Variants in TENM3 observed in about 807,000 individuals in gnomAD.
TENM3 encodes teneurin transmembrane protein 3.
TENM3 carries 63 observed loss-of-function variants against 255.1 expected under a neutral mutation model. That is an observed-to-expected ratio of 0.25 (90% CI 0.20 to 0.30). TENM3 has a LOEUF of 0.30. Among genes scored for constraint, TENM3 ranks in the 10% least tolerant of loss-of-function variants. The pLI, the probability that TENM3 is intolerant of heterozygous loss-of-function variation, is 1.00. For missense variants in TENM3, 2,929 were observed against 3,461.1 expected, an observed-to-expected ratio of 0.85 and a Z score of 3.86; for synonymous variants, 1,306 against 1,322.3, an observed-to-expected ratio of 0.99 and a Z score of 0.27.
At chr4:182,444,764 T>C (rs1476571817) in intron 3 of TENM3, among the ~76,000 whole-genome samples, 1 of 152,194 alleles carries the variant, frequency 6.6e-6, no homozygotes, top group Non-Finnish European at 1.5e-5. Flanking sequence ...ATAAATTTTA[T>C]TTAAACGGTG....
At chr4:182,731,865 T>C (rs1423483424) in intron 16 of TENM3, among the ~76,000 whole-genome samples, 1 of 151,506 alleles carries the variant, frequency 6.6e-6, no homozygotes, top group Non-Finnish European at 1.5e-5. Context: ...CACTGCAAGC[T>C]CCACCTCCCG....
In TENM3 at chr4:182,578,463, G is replaced by A. The variant is rs530918072; in HGVS notation, c.512-22461G>A. ...GAGGTTTTTATGTTTGTTTTTAGCT[G>A]TGATAGGTGCTTGATAGGTGCTGTG... On this transcript the variant is annotated intron_variant, in intron 3 of 27. Transcript: ENST00000511685. Among the ~76,000 whole-genome samples the A allele has an allele frequency of 4.3e-3, 413 of 96,002 alleles. 1 individual carries two copies. Among genetic ancestry groups the A allele is most frequent in the African/African-American group, 0.014 (380 of 27,028 alleles). 63.0% of individuals were successfully genotyped at this position (96,002 alleles called of 152,430 possible).
intron 3 of TENM3, among the ~76,000 whole-genome samples, chr4:182,450,268 A>C (rs1773338718): frequency 6.6e-6 from 1 of 152,238 alleles, no homozygotes. Context: ...CTAATTGTTA[A>C]AGTAGTACTT....
chr4:181,561,095 G>GGT, the TENM3 span, among the ~76,000 whole-genome samples: 1 of 152,090 alleles, frequency 6.6e-6, no homozygotes, highest in East Asian at 1.9e-4. Context: ...TGGGATTTCG[G>GGT]GTGTGTGCCA....
At chr4:182,268,500 C>T (rs895304371) in intron 1 of TENM3, among the ~76,000 whole-genome samples, 1 of 152,046 alleles carries the variant, frequency 6.6e-6, no homozygotes, top group African/African-American at 2.4e-5. Flanking sequence ...CCAGAGCAAC[C>T]CTATCTTAAA....
At chr4:182,631,996 A>T (rs1751416551) in intron 5 of TENM3, among the ~76,000 whole-genome samples, 1 of 152,150 alleles carries the variant, frequency 6.6e-6, no homozygotes, top group Non-Finnish European at 1.5e-5. Flanking sequence ...TATTTCTTCA[A>T]AATTTCAGAG....
the TENM3 span, among the ~76,000 whole-genome samples, chr4:181,665,733 A>G: frequency 5.0e-4 from 76 of 152,252 alleles, no homozygotes; most frequent in Non-Finnish European, 7.4e-5. Context: ...AAAATCTAGC[A>G]CATTTAACAC....
At chr4:182,223,845 C>A (rs1467263539) in intron 1 of TENM3, among the ~76,000 whole-genome samples, 1 of 150,814 alleles carries the variant, frequency 6.6e-6, no homozygotes, top group Non-Finnish European at 1.5e-5. Flanking sequence ...CTATCTACCA[C>A]TTGGCAGCTA....
At chr4:182,527,885 G>T (rs575804658) in intron 3 of TENM3, among the ~76,000 whole-genome samples, 1 of 151,992 alleles carries the variant, frequency 6.6e-6, no homozygotes, top group South Asian at 2.1e-4. Context: ...ATGCTGCCAC[G>T]CCCGGCTAAT....
chr4:182,586,303 A>G (rs1746017165), intron 3 of TENM3, among the ~76,000 whole-genome samples: 1 of 152,174 alleles, frequency 6.6e-6, no homozygotes, highest in Non-Finnish European at 1.5e-5. Flanking sequence ...TTAATTTCCC[A>G]AACAATTATA....
At chr4:181,992,776 T>C in the TENM3 span, among the ~76,000 whole-genome samples, 1 of 152,152 alleles carries the variant, frequency 6.6e-6, no homozygotes, top group Non-Finnish European at 1.5e-5. Context: ...ACAACATCAC[T>C]TTATCACACA....
At chr4:181,913,642 A>G in the TENM3 span, among the ~76,000 whole-genome samples, 2 of 152,162 alleles carry the variant, frequency 1.3e-5, no homozygotes, top group African/African-American at 4.8e-5. Context: ...GGGATGCCTA[A>G]GGACAGAACA....
At chr4:182,619,282 T>A (rs1749865588) in intron 4 of TENM3, among the ~76,000 whole-genome samples, 1 of 151,484 alleles carries the variant, frequency 6.6e-6, no homozygotes, top group African/African-American at 2.4e-5. Flanking sequence ...TTAAAAAAAA[T>A]TAGCTGGGCA....
chr4:182,329,306 G>A (rs1215719929), intron 2 of TENM3, among the ~76,000 whole-genome samples: 1 of 152,202 alleles, frequency 6.6e-6, no homozygotes, highest in African/African-American at 2.4e-5. Context: ...GTTCCAGAGA[G>A]AGGCTGACCT....
chr4:181,600,009 C>T, the TENM3 span, among the ~76,000 whole-genome samples: 1 of 152,194 alleles, frequency 6.6e-6, no homozygotes, highest in African/African-American at 2.4e-5. Context: ...TTTCTTCTAA[C>T]CCACATCCGT....
chr4:182,026,299 A>C, the TENM3 span, among the ~76,000 whole-genome samples: 1 of 152,064 alleles, frequency 6.6e-6, no homozygotes, highest in South Asian at 2.1e-4. Context: ...GCCCATTTTT[A>C]ATTGGATTGT....
At chr4:182,260,985 C>G (rs940165268) in intron 1 of TENM3, among the ~76,000 whole-genome samples, 1 of 152,048 alleles carries the variant, frequency 6.6e-6, no homozygotes, top group Non-Finnish European at 1.5e-5. Flanking sequence ...AGTTGATTCT[C>G]CTGCTTCAGC....
At chr4:181,671,205 T>C in the TENM3 span, among the ~76,000 whole-genome samples, 1 of 152,186 alleles carries the variant, frequency 6.6e-6, no homozygotes, top group Non-Finnish European at 1.5e-5. Flanking sequence ...CCAAAAATTA[T>C]GGTCAACTTA....
the TENM3 span, among the ~76,000 whole-genome samples, chr4:181,919,301 T>A: frequency 6.6e-6 from 1 of 151,810 alleles, no homozygotes; most frequent in Non-Finnish European, 1.5e-5. Context: ...GGTGGCCAAC[T>A]GGAACAGAAA....
Sources: gnomAD v4.1 joint callset for allele counts (sites outside exome capture counted in the v4.1 genomes callset) on GRCh38, gnomAD v4.1.1 for gene constraint, MANE v1.5 for transcripts, NCBI Gene and HGNC (gene_info 2026-07-23, HGNC 2026-07-21) for gene names.